The following DPP10 variants were observed in gnomAD, a reference collection of about 807,000 sequenced individuals.
DPP10 encodes the protein dipeptidyl peptidase like 10.
A neutral mutation model predicts 120.9 loss-of-function variants in DPP10; 33 were observed. The ratio of observed to expected loss-of-function variants is 0.27; its 90% CI spans 0.21 to 0.37. The LOEUF is 0.37. Among genes scored for constraint, DPP10 ranks in the 10% least tolerant of loss-of-function variants. The probability of loss-of-function intolerance (pLI) is 1.00; values close to 1 mark genes in which losing one functional copy is unlikely to be tolerated. For missense variants in DPP10, 816 were observed against 942.8 expected, an observed-to-expected ratio of 0.87 and a Z score of 1.76; for synonymous variants, 337 against 326.1, an observed-to-expected ratio of 1.03 and a Z score of -0.36.
chr2:115,022,539 T>C (rs1454815609), intron 1 of DPP10, among the ~76,000 whole-genome samples: 1 of 152,224 alleles, frequency 6.6e-6, no homozygotes, highest in South Asian at 2.1e-4. Flanking sequence ...ATGCTCATGA[T>C]GAGGAGAGTC....
chr2:115,230,838 T>A (rs2057701161), intron 1 of DPP10, among the ~76,000 whole-genome samples: 1 of 152,092 alleles, frequency 6.6e-6, no homozygotes, highest in Non-Finnish European at 1.5e-5. Context: ...TGGAAAGTAA[T>A]TACAAATTTT....
intron 1 of DPP10, among the ~76,000 whole-genome samples, chr2:114,821,238 A>T (rs1247106016): frequency 2.0e-5 from 3 of 151,934 alleles, no homozygotes; most frequent in African/African-American, 7.3e-5. Context: ...TGATATGCAA[A>T]TGCAGGGCAC....
chr2:114,579,046 T>G lies in DPP10; in HGVS notation c.60+136208T>G, dbSNP rs555738880. On this transcript the variant is annotated intron_variant, in intron 1 of 25. Coordinates refer to ENST00000410059, the MANE Select transcript of DPP10 (RefSeq NM_020868.6). The stretch of plus-strand genomic sequence containing the variant: ...ACACTGGAGACTGGTAATTTGCAAG[T>G]TAATTCATTCATCCAGAATTTATTG... Among the ~76,000 whole-genome samples the G allele has an allele frequency of 1.2e-4, 18 of 152,376 alleles. No homozygotes were observed. The South Asian group carries it at 3.5e-3, about 30-fold the overall frequency.
intron 11 of DPP10, among the ~76,000 whole-genome samples, chr2:115,761,193 G>A (rs1680076616): frequency 1.3e-5 from 2 of 151,512 alleles, no homozygotes; most frequent in Admixed American, 1.3e-4. Context: ...AATGGCTTGA[G>A]GCTGAGTTCA....
chr2:114,502,454 C>G (rs925281344), intron 1 of DPP10, among the ~76,000 whole-genome samples: 2 of 152,098 alleles, frequency 1.3e-5, no homozygotes, highest in Non-Finnish European at 2.9e-5. Flanking sequence ...ACATATATTT[C>G]TTGTATTTAA....
intron 8 of DPP10, 51 bp downstream of exon 8, chr2:115,727,987 C>T: frequency 6.5e-7 from 1 of 1,547,654 alleles, no homozygotes; most frequent in Non-Finnish European, 8.7e-7. Flanking sequence ...TATTTTTATA[C>T]AAAATCTACC....
At chr2:114,527,856 A>G (rs1421416905) in intron 1 of DPP10, among the ~76,000 whole-genome samples, 1 of 152,166 alleles carries the variant, frequency 6.6e-6, no homozygotes, top group African/African-American at 2.4e-5. Context: ...ATTGTAGCAC[A>G]ATGATAAGCA....
intron 1 of DPP10, among the ~76,000 whole-genome samples, chr2:115,063,594 G>A (rs547064973): frequency 6.6e-6 from 1 of 152,206 alleles, no homozygotes; most frequent in Non-Finnish European, 1.5e-5. Flanking sequence ...ACAGAATAGA[G>A]GACTCAGAAA....
chr2:115,791,037 A>G, intron 17 of DPP10, 44 bp from the exon 18 acceptor site: 1 of 1,406,274 alleles, frequency 7.1e-7, no homozygotes, highest in South Asian at 1.2e-5. Context: ...ATTCTGTTTA[A>G]TGCATAGGGG....
chr2:114,944,772 C>T (rs1023307195), intron 1 of DPP10, among the ~76,000 whole-genome samples: 31 of 152,216 alleles, frequency 2.0e-4, no homozygotes, highest in African/African-American at 5.8e-4. Flanking sequence ...GGTTGAAGGA[C>T]GTTTAATAGC....
intron 7 of DPP10, among the ~76,000 whole-genome samples, chr2:115,695,237 C>G (rs1461014350): frequency 1.3e-5 from 2 of 152,158 alleles, no homozygotes; most frequent in Non-Finnish European, 2.9e-5. Flanking sequence ...TCACATAAGG[C>G]TGATTCTCAG....
chr2:114,894,219 G>T (rs1358463085), intron 1 of DPP10, among the ~76,000 whole-genome samples: 1 of 152,168 alleles, frequency 6.6e-6, no homozygotes, highest in Non-Finnish European at 1.5e-5. Flanking sequence ...AAGGTAAGAG[G>T]TAATAGTAAT....
chr2:115,090,586 G>T (rs6726568), intron 1 of DPP10, among the ~76,000 whole-genome samples: 39,324 of 152,076 alleles, frequency 0.26, 5,584 homozygotes, highest in South Asian at 0.37. Context: ...TTAGAGTTTG[G>T]TTTTTGTAAA....
chr2:114,614,807 G>A (rs1339053880), intron 1 of DPP10, among the ~76,000 whole-genome samples: 3 of 152,180 alleles, frequency 2.0e-5, no homozygotes, highest in Non-Finnish European at 4.4e-5. Flanking sequence ...TAGAGTGTAT[G>A]AGTAGTCTAT....
At chr2:115,180,030 C>T (rs1246787761) in intron 1 of DPP10, among the ~76,000 whole-genome samples, 15 of 152,194 alleles carry the variant, frequency 9.9e-5, no homozygotes, top group Admixed American at 8.5e-4. Flanking sequence ...TTACAATACA[C>T]CTGCTGAATT....
intron 1 of DPP10, among the ~76,000 whole-genome samples, chr2:115,146,872 C>G (rs1401303063): frequency 6.6e-6 from 1 of 152,168 alleles, no homozygotes; most frequent in African/African-American, 2.4e-5. Flanking sequence ...GAAAGTGGAC[C>G]CTCGCCAGAC....
chr2:115,583,294 A>G (rs2082103146), intron 5 of DPP10, among the ~76,000 whole-genome samples: 1 of 152,222 alleles, frequency 6.6e-6, no homozygotes, highest in South Asian at 2.1e-4. Context: ...GGTTAGTAGC[A>G]TAAAACCACA....
chr2:114,558,452 C>G (rs1375534629), intron 1 of DPP10, among the ~76,000 whole-genome samples: 1 of 152,254 alleles, frequency 6.6e-6, no homozygotes, highest in Non-Finnish European at 1.5e-5. Context: ...ACATTCTCGT[C>G]TTTCTGGCAT....
intron 1 of DPP10, among the ~76,000 whole-genome samples, chr2:114,468,049 A>G (rs770437733): frequency 8.5e-5 from 13 of 152,116 alleles, no homozygotes; most frequent in Non-Finnish European, 1.8e-4. Context: ...AATAGTAATA[A>G]AAGTGATAGC....
Sources: allele counts gnomAD v4.1 joint callset (sites outside exome capture counted in the v4.1 genomes callset), GRCh38; gene constraint gnomAD v4.1.1; transcripts MANE v1.5; gene names NCBI Gene and HGNC (gene_info 2026-07-23, HGNC 2026-07-21).